The following TAFA4 variants were observed in gnomAD, a reference collection of about 807,000 sequenced individuals.
TAFA4 encodes the protein TAFA chemokine like family member 4.
In TAFA4, 20 loss-of-function variants were observed where a neutral mutation model predicts 21.1. The observed-to-expected ratio is 0.95, with a 90% CI of 0.67 to 1.38. TAFA4 has a LOEUF of 1.38. TAFA4 is among the 40% of genes most tolerant of loss of function. The pLI is 0.00. For missense variants in TAFA4, 211 were observed against 180.9 expected (o/e 1.17, Z -0.95); for synonymous variants, 71 against 67.4 (o/e 1.05, Z -0.26).
chr3:68,815,679 G>A (rs896200140), intron 3 of TAFA4, among the ~76,000 whole-genome samples: 16 of 152,300 alleles, frequency 1.1e-4, no homozygotes, highest in Middle Eastern at 3.4e-3. Context: ...TGCTGGAGAG[G>A]ATGTGGAGAA....
intron 3 of TAFA4, among the ~76,000 whole-genome samples, chr3:68,845,273 T>TC (rs1704758336): frequency 6.6e-6 from 1 of 152,276 alleles, no homozygotes; most frequent in East Asian, 1.9e-4. Flanking sequence ...AATGCCCTTG[T>TC]GTTTTTTTTA....
intron 3 of TAFA4, among the ~76,000 whole-genome samples, chr3:68,851,768 G>A (rs1157628983): frequency 6.6e-6 from 1 of 152,156 alleles, no homozygotes; most frequent in East Asian, 1.9e-4. Context: ...AAGAATCAAA[G>A]GAAGACAAGA....
intron 3 of TAFA4, among the ~76,000 whole-genome samples, chr3:68,798,459 A>G (rs1052686837): frequency 6.6e-6 from 1 of 152,220 alleles, no homozygotes; most frequent in African/African-American, 2.4e-5. Context: ...TAATAAGTAG[A>G]ACCCTATTAG....
intron 3 of TAFA4, among the ~76,000 whole-genome samples, chr3:68,778,838 T>C (rs763382954): frequency 6.6e-6 from 1 of 151,984 alleles, no homozygotes; most frequent in Non-Finnish European, 1.5e-5. Flanking sequence ...TTGGTACCAG[T>C]AGAGTGGGTG....
chr3:68,737,425 C>T (rs558513942), intron 5 of TAFA4, among the ~76,000 whole-genome samples: 98 of 152,234 alleles, frequency 6.4e-4, no homozygotes, highest in African/African-American at 2.2e-3. Context: ...TTCTGCTGCT[C>T]TGGACATAAA....
rs1348144588 is a variant in TAFA4, at chr3:68,752,911, G to C, written c.238C>G (p.Pro80Ala). 12 of 1,613,952 alleles carry C rather than the reference G, an allele frequency of 7.4e-6. No individual in the cohort carries two copies. In the East Asian group the frequency reaches 8.9e-5, roughly 12 times the overall value. ...RSQTVKCSCF[P>A]GQVAGTTRAQ... Reference sequence around the variant, plus strand: ...CGAGTTGTGCCCGCCACCTGTCCCGGGAAGCAAGAGCACTTGACCGTTTGT... The same window carrying C: ...CGAGTTGTGCCCGCCACCTGTCCCGCGAAGCAAGAGCACTTGACCGTTTGT... The change falls in exon 4 of 6, where the codon CCG (proline) becomes GCG (alanine). Residue 80 changes from proline to alanine, a missense_variant. By Grantham distance (27) the Pro-to-Ala change is conservative. Transcript: ENST00000295569.
rs543974666 is a variant in TAFA4 at position 68,808,291 on chromosome 3, G to A, written c.131-55273C>T. On this transcript the variant is annotated intron_variant, in intron 3 of 5. Transcript: ENST00000295569. ...TCCAGCTGGTCCTGGGCCCTCAACC[G>A]TCCCACCTGAGTCCAGCAATTGAAA... Among the ~76,000 whole-genome samples, 285 of 152,160 alleles carry A rather than the reference G, an allele frequency of 1.9e-3. 1 individual carries two copies. Among genetic ancestry groups the A allele is most frequent in the Non-Finnish European group, 3.0e-3 (201 of 68,002 alleles).
rs562876044 is a variant in TAFA4, at chr3:68,871,727, T to C, written c.130+9003A>G. Among the ~76,000 whole-genome samples the C allele has an allele frequency of 9.9e-4, 150 of 152,094 alleles. 1 individual carries two copies. Among genetic ancestry groups the C allele is most frequent in the African/African-American group, 3.4e-3 (141 of 41,510 alleles). On this transcript the variant is annotated intron_variant, in intron 3 of 5. Transcript: ENST00000295569. Reference sequence around the variant, plus strand: ...GCAAAAAATAAAAACCATCCAGTTTTAAAATGGGCAAAAGAGTTGAATAAA... The same window carrying C: ...GCAAAAAATAAAAACCATCCAGTTTCAAAATGGGCAAAAGAGTTGAATAAA...
chr3:68,819,372 C>T (rs956302663), intron 3 of TAFA4, among the ~76,000 whole-genome samples: 1 of 151,274 alleles, frequency 6.6e-6, no homozygotes, highest in African/African-American at 2.4e-5. Context: ...TGTCTAACTG[C>T]TCTGTCTACA....
At chr3:68,856,356 T>C in intron 3 of TAFA4, among the ~76,000 whole-genome samples, 1 of 152,196 alleles carries the variant, frequency 6.6e-6, no homozygotes. Flanking sequence ...AAAGTAGGCA[T>C]GCCATTCTGA....
intron 3 of TAFA4, among the ~76,000 whole-genome samples, chr3:68,762,144 G>C (rs556526304): frequency 6.6e-6 from 1 of 151,210 alleles, no homozygotes; most frequent in African/African-American, 2.4e-5. Flanking sequence ...TGTAGCTAGA[G>C]GATAAAGAAA....
rs1239686441 is a variant in TAFA4 at position 68,776,393 on chromosome 3, T to C, written c.131-23375A>G. Among the ~76,000 whole-genome samples the C allele has an allele frequency of 3.3e-5, 5 of 152,040 alleles. No homozygotes were observed. In the East Asian group the frequency reaches 9.6e-4, roughly 29 times the overall value. ...ATATTAGTAGTAGATAAAACACAGTTCCAAACAAAAGGCATTATCATGGAT... is the reference window on the plus strand; with the variant it reads ...ATATTAGTAGTAGATAAAACACAGTCCCAAACAAAAGGCATTATCATGGAT... On this transcript the variant is annotated intron_variant, in intron 3 of 5. Coordinates refer to ENST00000295569, the MANE Select transcript of TAFA4 (RefSeq NM_182522.5).
At chr3:68,754,214 G>A (rs1247252216) in intron 3 of TAFA4, among the ~76,000 whole-genome samples, 2 of 152,200 alleles carry the variant, frequency 1.3e-5, no homozygotes, top group East Asian at 3.8e-4. Context: ...ATGATACAAT[G>A]CTACTACGTA....
At chr3:68,926,232 A>C (rs2090106959) in intron 1 of TAFA4, among the ~76,000 whole-genome samples, 1 of 152,080 alleles carries the variant, frequency 6.6e-6, no homozygotes, top group Non-Finnish European at 1.5e-5. Context: ...CTCCAAAAAA[A>C]AAAAAAAAAT....
intron 3 of TAFA4, among the ~76,000 whole-genome samples, chr3:68,853,154 G>A (rs1171816188): frequency 6.6e-6 from 1 of 152,048 alleles, no homozygotes; most frequent in Non-Finnish European, 1.5e-5. Flanking sequence ...ATGTCAGATA[G>A]ATATAAACTT....
At position 68,768,732 on chromosome 3, in the gene TAFA4, A is replaced by T. The variant is rs181874757; in HGVS notation, c.131-15714T>A. Among the ~76,000 whole-genome samples, 6 of 152,328 alleles carry T rather than the reference A, an allele frequency of 3.9e-5. No homozygotes were observed. In the East Asian group the frequency reaches 1.2e-3, roughly 29 times the overall value. On this transcript the variant is annotated intron_variant, in intron 3 of 5. Transcript: ENST00000295569. ...TGAATGGGTAAATAAAATATCGTAT[A>T]TATACACAATGGCATACTATCGGGT... is the stretch of plus-strand genomic sequence containing the variant.
At chr3:68,835,453 T>C (rs897205648) in intron 3 of TAFA4, among the ~76,000 whole-genome samples, 1 of 152,200 alleles carries the variant, frequency 6.6e-6, no homozygotes, top group Non-Finnish European at 1.5e-5. Context: ...AAGTATATGA[T>C]AAAAACAAAT....
At chr3:68,832,051 A>C (rs1704409392) in intron 3 of TAFA4, among the ~76,000 whole-genome samples, 3 of 151,146 alleles carry the variant, frequency 2.0e-5, no homozygotes, top group African/African-American at 7.4e-5. Context: ...GCTCTTCTCT[A>C]CACTGGTTAT....
intron 4 of TAFA4, among the ~76,000 whole-genome samples, chr3:68,743,582 AAAAAAAAG>A (rs1022441230): frequency 6.9e-6 from 1 of 145,666 alleles, no homozygotes; most frequent in Non-Finnish European, 1.5e-5. Context: ...TCTCAAAAAA[AAAAAAAAG>A]AAAAAGTTAA....
Sources: allele counts gnomAD v4.1 joint callset (sites outside exome capture counted in the v4.1 genomes callset), GRCh38; gene constraint gnomAD v4.1.1; transcripts MANE v1.5; gene names NCBI Gene and HGNC (gene_info 2026-07-23, HGNC 2026-07-21).